Variants in SPAG16 observed in about 807,000 individuals in gnomAD.
The protein encoded by SPAG16 is sperm-associated antigen 16 protein.
A neutral mutation model predicts 80.4 loss-of-function variants in SPAG16; 86 were observed. The observed-to-expected ratio is 1.07, with a 90% CI of 0.90 to 1.28. The LOEUF (loss-of-function observed/expected upper bound fraction) is 1.28, where lower values mean the gene tolerates loss of function less well. Among genes scored for constraint, SPAG16 ranks in the 50% most tolerant of loss-of-function variants. The pLI is 0.00. For missense variants in SPAG16, 870 were observed against 765.3 expected (o/e 1.14, Z -1.61); for synonymous variants, 294 against 265.9 (o/e 1.11, Z -1.03).
chr2:214,092,296 C>T (rs529137788), intron 13 of SPAG16, among the ~76,000 whole-genome samples: 6 of 152,016 alleles, frequency 3.9e-5, no homozygotes, highest in South Asian at 2.1e-4. Flanking sequence ...AAGGCTGTAA[C>T]GATTCACATT....
intron 9 of SPAG16, chr2:213,396,768 C>T: frequency 2.5e-6 from 1 of 404,396 alleles, no homozygotes; most frequent in Middle Eastern, 3.5e-4. Flanking sequence ...CTGGCTTGTT[C>T]TCCTCCAATC....
intron 15 of SPAG16, among the ~76,000 whole-genome samples, chr2:214,364,346 G>T (rs140777584): frequency 1.3e-5 from 2 of 151,976 alleles, no homozygotes; most frequent in African/African-American, 4.8e-5. Flanking sequence ...CTCAAGTCAC[G>T]CTTTCTCCTT....
chr2:214,063,394 G>A (rs2125191857), intron 13 of SPAG16, among the ~76,000 whole-genome samples: 1 of 152,272 alleles, frequency 6.6e-6, no homozygotes, highest in South Asian at 2.1e-4. Flanking sequence ...AGATCAAGGT[G>A]CTGGTGAAGG....
chr2:214,185,714 C>T (rs975894717), intron 15 of SPAG16, among the ~76,000 whole-genome samples: 2 of 152,020 alleles, frequency 1.3e-5, no homozygotes, highest in African/African-American at 4.8e-5. Flanking sequence ...GAGACCTGTC[C>T]AAGTGTGCCT....
intron 8 of SPAG16, among the ~76,000 whole-genome samples, chr2:213,368,146 T>G (rs1459648914): frequency 6.6e-6 from 1 of 152,146 alleles, no homozygotes; most frequent in African/African-American, 2.4e-5. Context: ...CATTGGTCTA[T>G]ATCTCTGTTT....
intron 12 of SPAG16, among the ~76,000 whole-genome samples, chr2:213,949,169 G>GTTTTTTTTTTTTTTTTTTTTTTTTT (rs767648099): frequency 8.8e-5 from 5 of 56,740 alleles, no homozygotes; most frequent in Non-Finnish European, 1.1e-4. Flanking sequence ...AATTACAACA[G>GTTTTTTTTTTTTTTTTTTTTTTTTT]TTTTTTTTTT....
intron 10 of SPAG16, among the ~76,000 whole-genome samples, chr2:213,827,701 C>A (rs1333288957): frequency 1.3e-5 from 2 of 151,984 alleles, no homozygotes; most frequent in Non-Finnish European, 2.9e-5. Context: ...TCTTGTAGGA[C>A]AGGTCTGGTG....
intron 10 of SPAG16, among the ~76,000 whole-genome samples, chr2:213,669,146 G>T (rs2063724560): frequency 6.6e-6 from 1 of 152,138 alleles, no homozygotes; most frequent in African/African-American, 2.4e-5. Flanking sequence ...TTGTTTTCAT[G>T]TTTTCAAACT....
chr2:214,214,129 T>A (rs2058368522), intron 15 of SPAG16, among the ~76,000 whole-genome samples: 1 of 152,048 alleles, frequency 6.6e-6, no homozygotes, highest in Non-Finnish European at 1.5e-5. Context: ...TATCTCCATG[T>A]CATTCATACA....
At chr2:213,757,869 G>A (rs1031028051) in intron 10 of SPAG16, among the ~76,000 whole-genome samples, 2 of 151,998 alleles carry the variant, frequency 1.3e-5, no homozygotes, top group Admixed American at 1.3e-4. Context: ...GCAAAGAGGT[G>A]AGTGGTTATT....
intron 12 of SPAG16, among the ~76,000 whole-genome samples, chr2:213,990,362 A>G (rs1020218380): frequency 6.6e-6 from 1 of 152,120 alleles, no homozygotes; most frequent in Non-Finnish European, 1.5e-5. Context: ...AAACAATGCA[A>G]TGGTTAGGGG....
intron 10 of SPAG16, among the ~76,000 whole-genome samples, chr2:213,786,273 C>T (rs997279708): frequency 1.1e-4 from 17 of 152,180 alleles, no homozygotes; most frequent in Admixed American, 9.8e-4. Flanking sequence ...ATGGGAGCTC[C>T]GTGGTAGAAT....
intron 15 of SPAG16, among the ~76,000 whole-genome samples, chr2:214,290,125 A>G (rs980930908): frequency 1.3e-4 from 19 of 151,482 alleles, no homozygotes; most frequent in East Asian, 1.9e-4. Flanking sequence ...GTTTTTTTTT[A>G]CTTTTTCCTA....
At chr2:214,368,375 C>T (rs1339752229) in intron 15 of SPAG16, among the ~76,000 whole-genome samples, 2 of 152,098 alleles carry the variant, frequency 1.3e-5, no homozygotes, top group Non-Finnish European at 2.9e-5. Flanking sequence ...AAAAACCTCT[C>T]TACCTCTTTG....
chr2:214,040,143 C>T (rs745722546), intron 13 of SPAG16, among the ~76,000 whole-genome samples: 7 of 152,158 alleles, frequency 4.6e-5, no homozygotes, highest in Non-Finnish European at 8.8e-5. Flanking sequence ...GGGGAAGTTG[C>T]ATAGCCTGGG....
chr2:214,343,703 T>A (rs1912219), intron 15 of SPAG16, among the ~76,000 whole-genome samples: 1 of 151,708 alleles, frequency 6.6e-6, no homozygotes, highest in South Asian at 2.1e-4. Flanking sequence ...CTATTTCCAT[T>A]TAGTTAGTCT....
intron 13 of SPAG16, among the ~76,000 whole-genome samples, chr2:214,097,797 G>C (rs2052706029): frequency 6.6e-6 from 1 of 152,010 alleles, no homozygotes; most frequent in South Asian, 2.1e-4. Context: ...CTATCATAGA[G>C]CTTGCAATCT....
intron 15 of SPAG16, among the ~76,000 whole-genome samples, chr2:214,326,059 T>C (rs1187848012): frequency 6.6e-6 from 1 of 152,112 alleles, no homozygotes; most frequent in Non-Finnish European, 1.5e-5. Flanking sequence ...TATCTGTATA[T>C]AGTGGATTGA....
chr2:213,551,084 T>C (rs543656619), intron 10 of SPAG16, among the ~76,000 whole-genome samples: 2 of 152,282 alleles, frequency 1.3e-5, no homozygotes, highest in Admixed American at 6.5e-5. Context: ...CAACTCTTAA[T>C]TTTATTTTTC....
Sources: gnomAD v4.1 joint callset for allele counts (sites outside exome capture counted in the v4.1 genomes callset) on GRCh38, gnomAD v4.1.1 for gene constraint, MANE v1.5 for transcripts, NCBI Gene and HGNC (gene_info 2026-07-23, HGNC 2026-07-21) for gene names.